Variants in KCNB2 observed in about 807,000 individuals in gnomAD.
The protein encoded by KCNB2 is potassium voltage-gated channel subfamily B member 2.
Under a neutral mutation model 61.5 loss-of-function variants are expected in KCNB2, and 15 were observed. That is an observed-to-expected ratio of 0.24 (90% confidence interval 0.16 to 0.38). The LOEUF is 0.38. Ranked by LOEUF, KCNB2 falls within the 10% of genes least tolerant of loss-of-function variation. The pLI, the probability that KCNB2 is intolerant of heterozygous loss-of-function variation, is 1.00. For synonymous variants in KCNB2, 457 were observed against 446.0 expected (o/e 1.02, Z -0.31); for missense variants, 828 against 1,125.2 (o/e 0.74, Z 3.78).
chr8:72,795,788 A>G (rs1025278523), intron 2 of KCNB2, among the ~76,000 whole-genome samples: 5 of 152,244 alleles, frequency 3.3e-5, no homozygotes, highest in Admixed American at 6.5e-5. Flanking sequence ...CATTTGTGCA[A>G]CCATTGTTCA....
intron 2 of KCNB2, among the ~76,000 whole-genome samples, chr8:72,867,062 C>G: frequency 6.6e-6 from 1 of 152,204 alleles, no homozygotes; most frequent in East Asian, 1.9e-4. Context: ...CTATATCTTG[C>G]ACTTTGCCTG....
chr8:72,549,485 G>T (rs1806310946), intron 1 of KCNB2, among the ~76,000 whole-genome samples: 1 of 152,126 alleles, frequency 6.6e-6, no homozygotes, highest in Non-Finnish European at 1.5e-5. Flanking sequence ...TTCCACTGAT[G>T]AAAACTAGTC....
chr8:72,562,349 GT>G (rs934251624), intron 1 of KCNB2, among the ~76,000 whole-genome samples: 6 of 152,160 alleles, frequency 3.9e-5, no homozygotes, highest in African/African-American at 7.2e-5. Context: ...TGTTTTGTCA[GT>G]TTTGGCCCTG....
At chr8:72,893,203 T>C (rs1805930318) in intron 2 of KCNB2, among the ~76,000 whole-genome samples, 4 of 152,166 alleles carry the variant, frequency 2.6e-5, no homozygotes, top group Admixed American at 2.0e-4. Flanking sequence ...CTGATATTTA[T>C]TCTGCTTATT....
intron 2 of KCNB2, among the ~76,000 whole-genome samples, chr8:72,578,163 A>G (rs1806827538): frequency 6.6e-6 from 1 of 152,218 alleles, no homozygotes; most frequent in Non-Finnish European, 1.5e-5. Flanking sequence ...GATAAATTAG[A>G]TGTATTTCAT....
intron 2 of KCNB2, among the ~76,000 whole-genome samples, chr8:72,782,621 G>T (rs1808780227): frequency 6.6e-6 from 1 of 152,088 alleles, no homozygotes; most frequent in African/African-American, 2.4e-5. Flanking sequence ...CTGCTTTTAT[G>T]AGACCCCCAT....
At chr8:72,624,960 A>G (rs1258935869) in intron 2 of KCNB2, among the ~76,000 whole-genome samples, 1 of 152,212 alleles carries the variant, frequency 6.6e-6, no homozygotes, top group East Asian at 1.9e-4. Context: ...ACAGCTAGTG[A>G]GAAATAGAAG....
At chr8:72,554,550 G>A (rs552574263) in intron 1 of KCNB2, among the ~76,000 whole-genome samples, 3 of 152,032 alleles carry the variant, frequency 2.0e-5, no homozygotes, top group South Asian at 2.1e-4. Flanking sequence ...GGTGCTCTGC[G>A]GTAGCAAAGT....
At chr8:72,887,959 AAC>A (rs779719088) in intron 2 of KCNB2, among the ~76,000 whole-genome samples, 3 of 152,206 alleles carry the variant, frequency 2.0e-5, no homozygotes, top group Non-Finnish European at 4.4e-5. Flanking sequence ...ACACCCAATA[AAC>A]ACAGTCTGCC....
intron 2 of KCNB2, among the ~76,000 whole-genome samples, chr8:72,816,932 G>C (rs186326957): frequency 1.1e-3 from 160 of 152,236 alleles, no homozygotes; most frequent in African/African-American, 3.5e-3. Context: ...AAAACGTCCA[G>C]GTCTTTCTGT....
At chr8:72,931,328 T>G (rs1458684232) in intron 2 of KCNB2, among the ~76,000 whole-genome samples, 2 of 152,228 alleles carry the variant, frequency 1.3e-5, no homozygotes, top group Non-Finnish European at 2.9e-5. Context: ...TTTCCAATTC[T>G]GTGAAGAAAG....
chr8:72,747,387 G>T (rs891803126), intron 2 of KCNB2, among the ~76,000 whole-genome samples: 1 of 152,174 alleles, frequency 6.6e-6, no homozygotes, highest in African/African-American at 2.4e-5. Flanking sequence ...CATAGAGGAG[G>T]TGGTTGGGGG....
chr8:72,759,466 C>T (rs2128996335), intron 2 of KCNB2, among the ~76,000 whole-genome samples: 1 of 152,290 alleles, frequency 6.6e-6, no homozygotes, highest in Middle Eastern at 3.4e-3. Context: ...AAATTTGGTT[C>T]TCTGCTCCAA....
chr8:72,787,492 T>G (rs531316256), intron 2 of KCNB2, among the ~76,000 whole-genome samples: 2 of 152,076 alleles, frequency 1.3e-5, no homozygotes, highest in Non-Finnish European at 2.9e-5. Context: ...GGCTGAATTT[T>G]TTTTTTCTTT....
chr8:72,717,889 G>C (rs1807473294), intron 2 of KCNB2, among the ~76,000 whole-genome samples: 1 of 152,044 alleles, frequency 6.6e-6, no homozygotes, highest in Non-Finnish European at 1.5e-5. Context: ...CTACAGAATG[G>C]GAGAAAATTT....
intron 2 of KCNB2, among the ~76,000 whole-genome samples, chr8:72,725,356 T>C (rs987210943): frequency 6.6e-6 from 1 of 151,584 alleles, no homozygotes; most frequent in Non-Finnish European, 1.5e-5. Context: ...CAAGAAGAGT[T>C]GTAGTGTTAG....
At chr8:72,599,563 C>A (rs1354871498) in intron 2 of KCNB2, among the ~76,000 whole-genome samples, 3 of 152,106 alleles carry the variant, frequency 2.0e-5, no homozygotes, top group Admixed American at 2.0e-4. Context: ...ACTAAAACAG[C>A]AAAAGCAATG....
intron 2 of KCNB2, among the ~76,000 whole-genome samples, chr8:72,622,549 C>T (rs1805729718): frequency 6.6e-6 from 1 of 151,780 alleles, no homozygotes; most frequent in African/African-American, 2.4e-5. Context: ...GTCAAGCTTC[C>T]AAAAATGGTT....
chr8:72,821,484 A>G (rs1453304337), intron 2 of KCNB2, among the ~76,000 whole-genome samples: 1 of 152,080 alleles, frequency 6.6e-6, no homozygotes, highest in Non-Finnish European at 1.5e-5. Context: ...CGTTTCCACT[A>G]TGAAGTAGGG....
Sources: gnomAD v4.1 joint callset for allele counts (sites outside exome capture counted in the v4.1 genomes callset) on GRCh38, gnomAD v4.1.1 for gene constraint, MANE v1.5 for transcripts, NCBI Gene and HGNC (gene_info 2026-07-23, HGNC 2026-07-21) for gene names.